Variants in TMEM132D observed in about 807,000 individuals in gnomAD.
TMEM132D encodes the protein mature OL transmembrane protein.
Under a neutral mutation model 62.3 loss-of-function variants are expected in TMEM132D, and 21 were observed. That is an observed-to-expected ratio of 0.34 (90% confidence interval 0.24 to 0.49). The LOEUF (loss-of-function observed/expected upper bound fraction) is 0.49. TMEM132D is among the 20% of genes least tolerant of loss of function. The pLI, the probability that TMEM132D is intolerant of heterozygous loss-of-function variation, is 0.99. For synonymous variants in TMEM132D, 621 were observed against 575.6 expected (o/e 1.08, Z -1.13); for missense variants, 1,346 against 1,402.8 (o/e 0.96, Z 0.65).
At chr12:129,897,272 A>G (rs1875173578) in intron 1 of TMEM132D, among the ~76,000 whole-genome samples, 2 of 152,156 alleles carry the variant, frequency 1.3e-5, no homozygotes, top group Non-Finnish European at 1.5e-5. Context: ...CAAACATCAA[A>G]ATCAACAACG....
At chr12:129,187,440 G>A (rs1000103593) in intron 5 of TMEM132D, among the ~76,000 whole-genome samples, 3 of 152,226 alleles carry the variant, frequency 2.0e-5, no homozygotes, top group Non-Finnish European at 2.9e-5. Context: ...GGACTTGGCT[G>A]AGGGTGTCAG....
chr12:129,322,008 AG>A (rs1218273010), intron 4 of TMEM132D, among the ~76,000 whole-genome samples: 2 of 151,768 alleles, frequency 1.3e-5, no homozygotes, highest in East Asian at 1.9e-4. Context: ...GTGGTGTAAA[AG>A]CATCAGTGCT....
intron 5 of TMEM132D, among the ~76,000 whole-genome samples, chr12:129,126,354 C>CTTTTTTTTTTTTTTTTTTTTT (rs1565972371): frequency 7.3e-6 from 1 of 136,990 alleles, no homozygotes; most frequent in Non-Finnish European, 1.6e-5. Flanking sequence ...CTCAGTTTCT[C>CTTTTTTTTTTTTTTTTTTTTT]TCTCTTTTTT....
chr12:129,683,573 G>T (rs1238547694), intron 2 of TMEM132D, among the ~76,000 whole-genome samples: 1 of 152,070 alleles, frequency 6.6e-6, no homozygotes, highest in African/African-American at 2.4e-5. Context: ...TGTGATGAGG[G>T]GATATGAAGA....
chr12:129,666,743 G>A (rs1438581353), intron 2 of TMEM132D, among the ~76,000 whole-genome samples: 2 of 152,108 alleles, frequency 1.3e-5, no homozygotes, highest in South Asian at 2.1e-4. Context: ...TACTTATCAG[G>A]TTTTTCACTA....
At chr12:129,165,904 A>G (rs950933705) in intron 5 of TMEM132D, among the ~76,000 whole-genome samples, 1 of 152,230 alleles carries the variant, frequency 6.6e-6, no homozygotes, top group African/African-American at 2.4e-5. Context: ...CGATAAGAAT[A>G]ATAGTGGCTA....
intron 4 of TMEM132D, among the ~76,000 whole-genome samples, chr12:129,295,260 C>A (rs747925242): frequency 4.6e-5 from 7 of 152,030 alleles, no homozygotes; most frequent in Admixed American, 4.6e-4. Flanking sequence ...GCTGGCTAGA[C>A]GCTACGGAAC....
chr12:129,110,257 C>T (rs1875646722), intron 5 of TMEM132D: 2 of 152,152 alleles, frequency 1.3e-5, no homozygotes, highest in South Asian at 4.2e-4. Context: ...TGAAGATGCT[C>T]ATAGATTCTG....
At chr12:129,598,049 A>ACAG (rs1878385807) in intron 2 of TMEM132D, among the ~76,000 whole-genome samples, 2 of 151,268 alleles carry the variant, frequency 1.3e-5, no homozygotes, top group Non-Finnish European at 3.0e-5. Flanking sequence ...ACTTGCAAAA[A>ACAG]CAACAACAAC....
chr12:129,295,886 T>C, intron 4 of TMEM132D, among the ~76,000 whole-genome samples: 1 of 152,310 alleles, frequency 6.6e-6, no homozygotes, highest in South Asian at 2.1e-4. Flanking sequence ...TCTTTTTTAT[T>C]GTTGTACTAT....
chr12:129,141,120 G>T (rs1202883769), intron 5 of TMEM132D, among the ~76,000 whole-genome samples: 1 of 152,182 alleles, frequency 6.6e-6, no homozygotes, highest in Non-Finnish European at 1.5e-5. Flanking sequence ...GTGGAAAAAA[G>T]CTTTGCTTTC....
At chr12:129,268,155 A>T (rs953743330) in intron 4 of TMEM132D, among the ~76,000 whole-genome samples, 2 of 152,250 alleles carry the variant, frequency 1.3e-5, no homozygotes, top group South Asian at 2.1e-4. Context: ...CACCAAAAGC[A>T]ATGGCAACCA....
intron 2 of TMEM132D, among the ~76,000 whole-genome samples, chr12:129,630,730 G>A (rs1445038330): frequency 6.6e-6 from 1 of 152,060 alleles, no homozygotes; most frequent in South Asian, 2.1e-4. Context: ...TTAGGTTCAG[G>A]GGTACATATG....
chr12:129,551,792 A>G lies in TMEM132D; in HGVS notation c.969-20587T>C, dbSNP rs145326518. Among the ~76,000 whole-genome samples the G allele has an allele frequency of 1.9e-3, 282 of 152,308 alleles. 4 individuals are homozygous for G. The Middle Eastern group carries it at 0.02, about 11-fold the overall frequency. ...GGGAACCTCTGCTTCTGCCCTTAGAATTCACCAAGGGTCCAAAGTGCTAAT... is the reference window on the plus strand; with the variant it reads ...GGGAACCTCTGCTTCTGCCCTTAGAGTTCACCAAGGGTCCAAAGTGCTAAT... On this transcript the variant is annotated intron_variant, in intron 2 of 8. Transcript: ENST00000422113.
chr12:129,687,208 G>A (rs1216112602), intron 2 of TMEM132D, among the ~76,000 whole-genome samples: 1 of 152,106 alleles, frequency 6.6e-6, no homozygotes, highest in Non-Finnish European at 1.5e-5. Flanking sequence ...GAACAGTGGG[G>A]TCTTCAGGGA....
At chr12:129,157,040 T>C (rs945410968) in intron 5 of TMEM132D, among the ~76,000 whole-genome samples, 1 of 151,886 alleles carries the variant, frequency 6.6e-6, no homozygotes, top group Non-Finnish European at 1.5e-5. Context: ...AGCCCACCCC[T>C]ACAATAATTA....
intron 1 of TMEM132D, among the ~76,000 whole-genome samples, chr12:129,713,980 C>A (rs1404926045): frequency 6.6e-6 from 1 of 152,214 alleles, no homozygotes; most frequent in Non-Finnish European, 1.5e-5. Flanking sequence ...GATTTAGTGG[C>A]ACCTTTGGGA....
At chr12:129,624,310 G>A (rs937495167) in intron 2 of TMEM132D, among the ~76,000 whole-genome samples, 1 of 152,196 alleles carries the variant, frequency 6.6e-6, no homozygotes, top group African/African-American at 2.4e-5. Context: ...AAGGGTCAGA[G>A]GGGCTGCGTG....
intron 3 of TMEM132D, among the ~76,000 whole-genome samples, chr12:129,369,701 A>T (rs1279554046): frequency 6.6e-6 from 1 of 152,274 alleles, no homozygotes; most frequent in Non-Finnish European, 1.5e-5. Flanking sequence ...CTGCATGATG[A>T]AAGTGACATG....
Sources: gnomAD v4.1 joint callset for allele counts (sites outside exome capture counted in the v4.1 genomes callset) on GRCh38, gnomAD v4.1.1 for gene constraint, MANE v1.5 for transcripts, NCBI Gene and HGNC (gene_info 2026-07-23, HGNC 2026-07-21) for gene names.